DSCAML1: variants seen among roughly 807,000 people sequenced by gnomAD.
The protein encoded by DSCAML1 is DS cell adhesion molecule like 1.
Under a neutral mutation model 200.5 loss-of-function variants are expected in DSCAML1, and 38 were observed. That is an observed-to-expected ratio of 0.19 (90% confidence interval 0.15 to 0.25). The LOEUF (loss-of-function observed/expected upper bound fraction) is 0.25. Among genes scored for constraint, DSCAML1 ranks in the 10% least tolerant of loss-of-function variants. The pLI is 1.00. For synonymous variants in DSCAML1, 1,215 were observed against 1,165.0 expected (o/e 1.04, Z -0.87); for missense variants, 2,223 against 2,858.8 (o/e 0.78, Z 5.07).
intron 29 of DSCAML1, among the ~76,000 whole-genome samples, chr11:117,432,871 G>A (rs898920671): frequency 2.6e-5 from 4 of 151,414 alleles, no homozygotes; most frequent in South Asian, 4.2e-4. Context: ...TTGGCCTCCC[G>A]AAGTGCTGGG....
At chr11:117,457,504 A>C (rs1009391414) in intron 19 of DSCAML1, among the ~76,000 whole-genome samples, 1 of 152,236 alleles carries the variant, frequency 6.6e-6, no homozygotes, top group Admixed American at 6.5e-5. Flanking sequence ...ATGCCATCTC[A>C]GCACAGTCTC....
chr11:117,510,355 G>T (rs1592680860), intron 8 of DSCAML1, among the ~76,000 whole-genome samples: 1 of 152,214 alleles, frequency 6.6e-6, no homozygotes, highest in Non-Finnish European at 1.5e-5. Context: ...TGTGGGCAAG[G>T]CACCTCCTCA....
At chr11:117,535,607 G>T (rs1443825453) in intron 3 of DSCAML1, among the ~76,000 whole-genome samples, 4 of 152,226 alleles carry the variant, frequency 2.6e-5, no homozygotes, top group South Asian at 2.1e-4. Context: ...CTCTGCATGT[G>T]CCGTTTTGTC....
intron 3 of DSCAML1, among the ~76,000 whole-genome samples, chr11:117,548,467 C>G (rs2050415980): frequency 6.6e-6 from 1 of 152,318 alleles, no homozygotes; most frequent in Middle Eastern, 3.4e-3. Flanking sequence ...TAGACCCTCT[C>G]TTAAAGTCCA....
At chr11:117,595,611 G>A (rs1187009884) in intron 3 of DSCAML1, among the ~76,000 whole-genome samples, 5 of 152,130 alleles carry the variant, frequency 3.3e-5, no homozygotes, top group African/African-American at 9.7e-5. Flanking sequence ...GGCCGGCCCC[G>A]CCCAATTTCC....
At chr11:117,765,279 T>C (rs146125336) in intron 3 of DSCAML1, among the ~76,000 whole-genome samples, 1 of 152,308 alleles carries the variant, frequency 6.6e-6, no homozygotes, top group East Asian at 1.9e-4. Context: ...GACCCGTATT[T>C]AAGTTCCAGA....
intron 3 of DSCAML1, among the ~76,000 whole-genome samples, chr11:117,692,400 T>C (rs2137722358): frequency 6.6e-6 from 1 of 152,098 alleles, no homozygotes; most frequent in East Asian, 1.9e-4. Flanking sequence ...GGTAAAGGCC[T>C]TTTCTGTTGT....
At chr11:117,550,561 G>A (rs71480343) in intron 3 of DSCAML1, among the ~76,000 whole-genome samples, 15,001 of 152,098 alleles carry the variant, frequency 0.099, 881 homozygotes, top group African/African-American at 0.13. Context: ...ACACTGGGCT[G>A]GGCATACAGT....
intron 3 of DSCAML1, among the ~76,000 whole-genome samples, chr11:117,559,909 G>C (rs953051790): frequency 2.0e-5 from 3 of 152,132 alleles, no homozygotes; most frequent in African/African-American, 4.8e-5. Context: ...CCTAGAGTTG[G>C]GGGGAGGGGC....
chr11:117,456,705 C>T (rs1027733730), intron 19 of DSCAML1, among the ~76,000 whole-genome samples: 5 of 147,246 alleles, frequency 3.4e-5, no homozygotes, highest in Non-Finnish European at 5.9e-5. Context: ...GATGGAGTCT[C>T]GCTCTGTCAC....
At chr11:117,810,720 C>T (rs909032582) in intron 1 of DSCAML1, among the ~76,000 whole-genome samples, 2 of 152,204 alleles carry the variant, frequency 1.3e-5, no homozygotes, top group Admixed American at 1.3e-4. Flanking sequence ...AGCCGGAAAA[C>T]AGCTCTTTCA....
At chr11:117,436,885 T>C (rs2047928313) in intron 26 of DSCAML1, among the ~76,000 whole-genome samples, 1 of 152,220 alleles carries the variant, frequency 6.6e-6, no homozygotes, top group Admixed American at 6.5e-5. Flanking sequence ...TTGGTATTAC[T>C]GACCTATGTG....
At chr11:117,486,425 A>G (rs117266385) in intron 11 of DSCAML1, among the ~76,000 whole-genome samples, 19,855 of 148,760 alleles carry the variant, frequency 0.13, 1,608 homozygotes, top group South Asian at 0.28. Context: ...GGATGTGAAA[A>G]TGGCGGATGT....
intron 3 of DSCAML1, chr11:117,709,867 G>T: frequency 4.5e-6 from 2 of 439,798 alleles, no homozygotes; most frequent in Non-Finnish European, 9.1e-6. Flanking sequence ...GATAAGACTG[G>T]CCATGAGACA....
chr11:117,645,615 T>C (rs953023091), intron 3 of DSCAML1, among the ~76,000 whole-genome samples: 4 of 151,340 alleles, frequency 2.6e-5, no homozygotes, highest in African/African-American at 9.7e-5. Context: ...ATGGATGAAA[T>C]TGGAAATCAT....
In DSCAML1 at chr11:117,437,913, C is replaced by T; in HGVS notation, c.4414G>A (p.Ala1472Thr). The change falls in exon 25 of 33, where the codon GCC becomes ACC. Residue 1472 changes from alanine (A) to threonine (T), a missense_variant. By Grantham distance (58) the Ala-to-Thr change is moderately conservative. This residue lies in a region of DSCAML1 where 614 missense variants were observed against 739.1 expected (regional missense o/e 0.83). Transcript: ENST00000651296. This position sits in a 1 kb window ranked among gnomAD's most constrained non-coding sequence, Gnocchi z 5.3. ...GCCTCACCCCGCCCGTGGGTCTTGG[C>T]CTCGATGATCTCGCTGATGCGCCCA... ...GSGRISEIIE[A>T]KTHGREPSFS... 6.2e-7 allele frequency: 1 copy of T among 1,610,658 alleles called. No individual in the cohort carries two copies.
rs935685429 is a variant in DSCAML1 at position 117,466,679 on chromosome 11, C to T, written c.3025-1497G>A. On this transcript the variant is annotated intron_variant, in intron 16 of 32. Transcript: ENST00000651296. ...TCGACAGAGTGAGACTCTGTCTCAA[C>T]AAAAGGAGGGTGGAATAGAGCTTTC... is the stretch of plus-strand genomic sequence containing the variant. Among the ~76,000 whole-genome samples the T allele has an allele frequency of 6.6e-5, 10 of 152,052 alleles. 1 individual carries two copies. In the Middle Eastern group the frequency reaches 0.01, roughly 155 times the overall value.
chr11:117,559,361 T>G (rs559994965), intron 3 of DSCAML1, among the ~76,000 whole-genome samples: 1 of 152,146 alleles, frequency 6.6e-6, no homozygotes, highest in Non-Finnish European at 1.5e-5. Flanking sequence ...CCCCGAGTTT[T>G]TAGACAAAGC....
intron 3 of DSCAML1, among the ~76,000 whole-genome samples, chr11:117,773,689 C>G (rs1036071552): frequency 1.3e-5 from 2 of 152,138 alleles, no homozygotes; most frequent in Non-Finnish European, 2.9e-5. Flanking sequence ...AAGTTCTGGT[C>G]CTGCACCTAC....
Sources: gnomAD v4.1 joint callset for allele counts (sites outside exome capture counted in the v4.1 genomes callset) on GRCh38, gnomAD v4.1.1 for gene constraint, gnomAD v4.1.1 regional missense constraint, Gnocchi (gnomAD v3.1) non-coding constraint, MANE v1.5 for transcripts, NCBI Gene and HGNC (gene_info 2026-07-23, HGNC 2026-07-21) for gene names.